FAM81A: variants seen among roughly 807,000 people sequenced by gnomAD.
FAM81A encodes family with sequence similarity 81 member A.
Under a neutral mutation model 46.7 loss-of-function variants are expected in FAM81A, and 19 were observed. The ratio of observed to expected loss-of-function variants is 0.41; its 90% CI spans 0.28 to 0.60. The LOEUF (loss-of-function observed/expected upper bound fraction) is 0.60, where lower values mean the gene tolerates loss of function less well. Ranked by LOEUF, FAM81A falls within the 20% of genes least tolerant of loss-of-function variation. FAM81A has a pLI of 0.34. For missense variants in FAM81A, 377 were observed against 453.5 expected (o/e 0.83, Z 1.53); for synonymous variants, 183 against 152.9 (o/e 1.20, Z -1.45).
chr15:59,446,450 G>C (rs2081355312), intron 1 of FAM81A: 1 of 152,210 alleles, frequency 6.6e-6, no homozygotes, highest in African/African-American at 2.4e-5. Flanking sequence ...CCTCCCTTCA[G>C]TTATGCAGAA....
chr15:59,480,289 C>G (rs1254699507), intron 3 of FAM81A, among the ~76,000 whole-genome samples: 1 of 152,156 alleles, frequency 6.6e-6, no homozygotes, highest in Non-Finnish European at 1.5e-5. Flanking sequence ...ATTTCCAAAC[C>G]CTTCCCAATC....
At chr15:59,520,358 T>G (rs1295045926) in intron 8 of FAM81A, among the ~76,000 whole-genome samples, 1 of 152,140 alleles carries the variant, frequency 6.6e-6, no homozygotes, top group Non-Finnish European at 1.5e-5. Context: ...GATAACTCAT[T>G]GTGGTTTTAA....
chr15:59,504,169 T>A (rs1183403638), intron 4 of FAM81A, among the ~76,000 whole-genome samples: 3 of 152,094 alleles, frequency 2.0e-5, no homozygotes, highest in Non-Finnish European at 4.4e-5. Flanking sequence ...ACCTCAGCTT[T>A]CCCCAAATAT....
intron 3 of FAM81A, among the ~76,000 whole-genome samples, chr15:59,476,621 C>T (rs912034485): frequency 6.7e-6 from 1 of 149,558 alleles, no homozygotes; most frequent in Non-Finnish European, 1.5e-5. Flanking sequence ...CCCCATCTCT[C>T]CTAAAAATAT....
chr15:59,512,512 T>C (rs1412615765), intron 6 of FAM81A, among the ~76,000 whole-genome samples: 2 of 81,960 alleles, frequency 2.4e-5, no homozygotes, highest in Non-Finnish European at 5.3e-5. Context: ...TGCTGAAAAA[T>C]ATGCTGTTTT....
chr15:59,468,227 T>G (rs1404448940), intron 3 of FAM81A, among the ~76,000 whole-genome samples: 1 of 152,160 alleles, frequency 6.6e-6, no homozygotes, highest in Non-Finnish European at 1.5e-5. Context: ...CCTCATAAAG[T>G]GAGTTAGGGA....
intron 3 of FAM81A, among the ~76,000 whole-genome samples, chr15:59,477,331 T>TTTTTCAG (rs2081785147): frequency 6.6e-6 from 1 of 152,144 alleles, no homozygotes; most frequent in Non-Finnish European, 1.5e-5. Flanking sequence ...TTTATAGCTG[T>TTTTTCAG]TTTTCAGTTC....
At chr15:59,447,151 C>T (rs897716752) in intron 1 of FAM81A, among the ~76,000 whole-genome samples, 32 of 152,218 alleles carry the variant, frequency 2.1e-4, no homozygotes, top group Admixed American at 1.1e-3. Context: ...TATGACTATA[C>T]TAATACTTCT....
chr15:59,491,794 C>T (rs1487371114), intron 3 of FAM81A, among the ~76,000 whole-genome samples: 9 of 151,938 alleles, frequency 5.9e-5, no homozygotes, highest in African/African-American at 1.2e-4. Context: ...ACACAAACTC[C>T]GTCTCTATTA....
In FAM81A at chr15:59,445,916, A is replaced by C. The variant is rs895813644; in HGVS notation, c.-78+7634A>C. Among the ~76,000 whole-genome samples the C allele has an allele frequency of 9.8e-5, 15 of 152,336 alleles. 1 individual carries two copies. Among genetic ancestry groups the C allele is most frequent in the Admixed American group, 7.8e-4 (12 of 15,306 alleles). The stretch of plus-strand genomic sequence containing the variant: ...ATCATAATAAAACACCCTAAAAGTA[A>C]TGACTTCTTTTTGGGTGTGAGTGCC... On this transcript the variant is annotated intron_variant, in intron 1 of 8. Transcript: ENST00000288228.
At chr15:59,432,392 ATT>A (rs1245830831) in intron 2 of FAM81A, among the ~76,000 whole-genome samples, 6 of 152,262 alleles carry the variant, frequency 3.9e-5, no homozygotes, top group African/African-American at 1.2e-4. Context: ...TACTATTCAC[ATT>A]CTTTGATATG....
chr15:59,514,141 T>C, intron 6 of FAM81A, 148 bp from the exon 7 acceptor site: 3 of 792,166 alleles, frequency 3.8e-6, no homozygotes, highest in Non-Finnish European at 3.8e-6. Context: ...AATACCTAGG[T>C]GATGGGTTGA....
intron 2 of FAM81A, among the ~76,000 whole-genome samples, chr15:59,415,947 C>A (rs1327350474): frequency 1.3e-5 from 2 of 152,224 alleles, no homozygotes; most frequent in African/African-American, 4.8e-5. Context: ...GGGTCACAGA[C>A]TGGGTTCTGG....
chr15:59,482,820 A>G (rs952082183), intron 3 of FAM81A, among the ~76,000 whole-genome samples: 13 of 152,206 alleles, frequency 8.5e-5, no homozygotes. Flanking sequence ...GAGAGAGTGC[A>G]CCGGAGCTTG....
chr15:59,507,440 G>A (rs1352480756), intron 5 of FAM81A, 98 bp downstream of exon 5: 3 of 1,459,052 alleles, frequency 2.1e-6, no homozygotes, highest in Non-Finnish European at 2.8e-6. Context: ...ACCAGCTGGG[G>A]CATCTAGCAT....
intron 4 of FAM81A, among the ~76,000 whole-genome samples, chr15:59,494,580 C>G (rs529660208): frequency 6.6e-6 from 1 of 152,314 alleles, no homozygotes; most frequent in South Asian, 2.1e-4. Flanking sequence ...CAAAAACTTT[C>G]ACTCTAAAGG....
chr15:59,414,901 C>T (rs1010153133), intron 2 of FAM81A, among the ~76,000 whole-genome samples: 6 of 151,880 alleles, frequency 4.0e-5, no homozygotes, highest in African/African-American at 1.2e-4. Flanking sequence ...CTGCAAGCTC[C>T]GCCTCCCAGG....
intron 7 of FAM81A, among the ~76,000 whole-genome samples, chr15:59,514,875 T>G (rs2082250483): frequency 6.6e-6 from 1 of 152,172 alleles, no homozygotes; most frequent in Non-Finnish European, 1.5e-5. Flanking sequence ...TCCACCATTT[T>G]TTTCCCCATT....
At chr15:59,492,708 T>A (rs2081994312) in intron 4 of FAM81A, among the ~76,000 whole-genome samples, 1 of 152,242 alleles carries the variant, frequency 6.6e-6, no homozygotes, top group Admixed American at 6.5e-5. Flanking sequence ...ATAGTTTGTA[T>A]GTCATTTTGG....
Sources: gnomAD v4.1 joint callset for allele counts (sites outside exome capture counted in the v4.1 genomes callset) on GRCh38, gnomAD v4.1.1 for gene constraint, MANE v1.5 for transcripts, NCBI Gene and HGNC (gene_info 2026-07-23, HGNC 2026-07-21) for gene names.